Variants in ATP10A observed in about 807,000 individuals in gnomAD.
ATP10A encodes the protein ATPase phospholipid transporting 10A (putative).
In ATP10A, 111 loss-of-function variants were observed where a neutral mutation model predicts 147.8. The observed-to-expected ratio is 0.75, with a 90% CI of 0.64 to 0.88. The LOEUF is 0.88. Among genes scored for constraint, ATP10A ranks in the 40% least tolerant of loss-of-function variants. The pLI is 0.00. For missense variants in ATP10A, 1,927 were observed against 1,959.0 expected, an observed-to-expected ratio of 0.98 and a Z score of 0.31; for synonymous variants, 875 against 841.6, an observed-to-expected ratio of 1.04 and a Z score of -0.69.
intron 2 of ATP10A, among the ~76,000 whole-genome samples, chr15:25,780,161 G>C (rs530460554): frequency 2.0e-5 from 3 of 152,372 alleles, no homozygotes; most frequent in African/African-American, 4.8e-5. Context: ...AGGGAAGCCC[G>C]ATGGGCTGGT....
chr15:25,711,518 T>A (rs1901419882), intron 10 of ATP10A, among the ~76,000 whole-genome samples: 1 of 151,866 alleles, frequency 6.6e-6, no homozygotes, highest in Non-Finnish European at 1.5e-5. Context: ...ACTGCTGGGG[T>A]CTCTGAACTT....
At chr15:25,831,677 A>G (rs895478234) in intron 1 of ATP10A, among the ~76,000 whole-genome samples, 21 of 152,194 alleles carry the variant, frequency 1.4e-4, no homozygotes, top group African/African-American at 4.8e-4. Flanking sequence ...GCACCTATAG[A>G]GGCTCCTATG....
At chr15:25,848,431 G>C (rs1418700601) in intron 1 of ATP10A, among the ~76,000 whole-genome samples, 1 of 152,158 alleles carries the variant, frequency 6.6e-6, no homozygotes, top group Admixed American at 6.5e-5. Context: ...TGGGACTACA[G>C]GCTTGTGCCA....
intron 19 of ATP10A, 24 bp downstream of exon 19, chr15:25,680,786 C>T (rs901003): frequency 1.4e-5 from 22 of 1,590,206 alleles, no homozygotes; most frequent in African/African-American, 1.3e-4. Context: ...TCTTCTGAGA[C>T]GTGGCCATGC....
intron 1 of ATP10A, among the ~76,000 whole-genome samples, chr15:25,838,120 T>C (rs1380861798): frequency 6.6e-6 from 1 of 152,210 alleles, no homozygotes; most frequent in African/African-American, 2.4e-5. Flanking sequence ...GCAATGATGA[T>C]GAAAGGTATG....
At chr15:25,699,332 A>T (rs1272079137) in intron 13 of ATP10A, among the ~76,000 whole-genome samples, 1 of 152,214 alleles carries the variant, frequency 6.6e-6, no homozygotes, top group Admixed American at 6.5e-5. Context: ...TTTGACAAAG[A>T]CGCTTTCAAC....
At position 25,726,035 on chromosome 15, in the gene ATP10A, G is replaced by A. The variant is rs149561955; in HGVS notation, c.895C>T (p.Arg299Cys). ...TTCATCTGCCTCTCCAGCTTGCTGC[G>A]CTTGTAGCGGGGCCCACTGTTGTTC... ...LLNNSGPRYK[R>C]SKLERQMNCD... Residue 299 changes from arginine to cysteine, a missense_variant, in exon 5 of 21, where the codon CGC becomes TGC. Coordinates refer to ENST00000555815, the MANE Select transcript of ATP10A (RefSeq NM_024490.4). 3.2e-5 allele frequency: 52 copies of A among 1,613,968 alleles called. No individual in the cohort carries two copies. Among genetic ancestry groups the A allele is most frequent in the East Asian group, 1.6e-4 (7 of 44,872 alleles).
At chr15:25,779,576 G>A (rs1399940060) in intron 2 of ATP10A, among the ~76,000 whole-genome samples, 1 of 147,178 alleles carries the variant, frequency 6.8e-6, no homozygotes, top group Non-Finnish European at 1.5e-5. Context: ...GGGGTGGGGG[G>A]TGGGCACGAG....
At chr15:25,696,767 C>G (rs1900362089) in intron 13 of ATP10A, among the ~76,000 whole-genome samples, 1 of 152,184 alleles carries the variant, frequency 6.6e-6, no homozygotes, top group Non-Finnish European at 1.5e-5. Context: ...AAGGGGGTTC[C>G]CAGTGCTCTG....
intron 15 of ATP10A, among the ~76,000 whole-genome samples, chr15:25,688,450 G>T (rs1384062783): frequency 6.6e-6 from 1 of 152,190 alleles, no homozygotes; most frequent in Non-Finnish European, 1.5e-5. Context: ...GCAGGAGCCT[G>T]CCATGGAAGC....
At chr15:25,858,448 A>T (rs1355907579) in intron 1 of ATP10A, among the ~76,000 whole-genome samples, 1 of 152,158 alleles carries the variant, frequency 6.6e-6, no homozygotes, top group East Asian at 1.9e-4. Flanking sequence ...GAGAAGGAGT[A>T]GGAGAGGGGA....
At chr15:25,680,946 TC>T in intron 18 of ATP10A, 32 bp from the exon 19 acceptor site, 1 of 1,612,252 alleles carries the variant, frequency 6.2e-7, no homozygotes. Flanking sequence ...GATCTGTAGG[TC>T]CCCGGATCCA....
chr15:25,762,290 T>C (rs1209616387), intron 2 of ATP10A, among the ~76,000 whole-genome samples: 1 of 152,192 alleles, frequency 6.6e-6, no homozygotes, highest in Non-Finnish European at 1.5e-5. Flanking sequence ...GTCTTGGGTA[T>C]GTTTTTATTA....
At chr15:25,736,709 G>C (rs1213192616) in intron 2 of ATP10A, among the ~76,000 whole-genome samples, 1 of 152,110 alleles carries the variant, frequency 6.6e-6, no homozygotes, top group Non-Finnish European at 1.5e-5. Context: ...TCCATTGATA[G>C]ATAAAACAGA....
chr15:25,691,606 T>C (rs1900038137), intron 15 of ATP10A, 109 bp downstream of exon 15: 1 of 1,113,030 alleles, frequency 9.0e-7, no homozygotes, highest in Non-Finnish European at 1.4e-6. Context: ...GCAAACCCTT[T>C]AGCCTCGTTC....
intron 1 of ATP10A, among the ~76,000 whole-genome samples, chr15:25,796,135 G>A (rs1454439313): frequency 2.0e-5 from 3 of 152,194 alleles, no homozygotes; most frequent in South Asian, 2.1e-4. Context: ...GGGACAACAT[G>A]TGAAAATAGT....
At position 25,862,993 on chromosome 15, in the gene ATP10A, G is replaced by A. The variant is rs1271426709; in HGVS notation, c.104C>T (p.Pro35Leu). ...RTVRSNLLPP[P>L]GAEDPAAGAA... ...GCCAGCCGCAGGGTCCTCGGCGCCC[G>A]GGGGCGGCAGCAGGTTGGAGCGCAC... Residue 35 changes from proline to leucine, a missense_variant, in exon 1 of 21, where the codon CCG (proline) becomes CTG (leucine). Coordinates refer to ENST00000555815, the MANE Select transcript of ATP10A (RefSeq NM_024490.4). 7 of 1,410,960 alleles carry A rather than the reference G, an allele frequency of 5.0e-6. No individual in the cohort carries two copies. Among genetic ancestry groups the A allele is most frequent in the East Asian group, 2.9e-5 (1 of 33,978 alleles). 87.4% of individuals were successfully genotyped at this position (1,410,960 alleles called of 1,614,324 possible).
chr15:25,838,793 T>C (rs1892690554), intron 1 of ATP10A, among the ~76,000 whole-genome samples: 1 of 152,168 alleles, frequency 6.6e-6, no homozygotes, highest in South Asian at 2.1e-4. Flanking sequence ...AAGGACGGGC[T>C]TTACTCCAGG....
At chr15:25,701,511 G>A (rs549988487) in intron 13 of ATP10A, among the ~76,000 whole-genome samples, 22 of 152,306 alleles carry the variant, frequency 1.4e-4, no homozygotes, top group South Asian at 2.1e-4. Flanking sequence ...GTAGCTACTC[G>A]CCACAGACTT....
Sources: allele counts gnomAD v4.1 joint callset (sites outside exome capture counted in the v4.1 genomes callset), GRCh38; gene constraint gnomAD v4.1.1; transcripts MANE v1.5; gene names NCBI Gene and HGNC (gene_info 2026-07-23, HGNC 2026-07-21).